The following FAM120A variants were observed in gnomAD, a reference collection of about 807,000 sequenced individuals.
FAM120A encodes the protein family with sequence similarity 120 member A.
In FAM120A, 15 loss-of-function variants were observed where a neutral mutation model predicts 109.7. The observed-to-expected ratio is 0.14, with a 90% CI of 0.09 to 0.21. The LOEUF is 0.21. FAM120A is among the 10% of genes least tolerant of loss of function. The probability of loss-of-function intolerance (pLI) is 1.00; values close to 1 mark genes in which losing one functional copy is unlikely to be tolerated. For missense variants in FAM120A, 899 were observed against 1,439.3 expected, an observed-to-expected ratio of 0.62 and a Z score of 6.07; for synonymous variants, 493 against 572.8, an observed-to-expected ratio of 0.86 and a Z score of 1.99.
In FAM120A at chr9:93,562,314, CA is replaced by C; in HGVS notation, c.3045+12del. On this transcript the variant is annotated intron_variant, in intron 17 of 17. Coordinates refer to ENST00000277165, the MANE Select transcript of FAM120A (RefSeq NM_014612.5). ...CCAGGCAGCAATTCAGGTAAGAAGACAACATGATGTTTGTGCCAGTTCAATG... is the reference window on the plus strand; with the variant it reads ...CCAGGCAGCAATTCAGGTAAGAAGACACATGATGTTTGTGCCAGTTCAATG... 6.2e-7 allele frequency: 1 copy of C among 1,607,990 alleles called. No homozygotes were observed. The highest frequency in any genetic ancestry group is 2.2e-5 in the East Asian group (1 of 44,822).
intron 3 of FAM120A, among the ~76,000 whole-genome samples, chr9:93,480,048 G>A (rs1226252870): frequency 1.3e-5 from 2 of 152,180 alleles, no homozygotes; most frequent in Non-Finnish European, 2.9e-5. Flanking sequence ...CTTATTACTA[G>A]ATTATGAATG....
intron 11 of FAM120A, among the ~76,000 whole-genome samples, chr9:93,548,177 CT>C (rs1861960300): frequency 6.6e-6 from 1 of 152,080 alleles, no homozygotes; most frequent in South Asian, 2.1e-4. Context: ...GCCATCTCGG[CT>C]CACTTCAAGC....
At chr9:93,510,179 T>C (rs1251004051) in intron 5 of FAM120A, among the ~76,000 whole-genome samples, 1 of 152,226 alleles carries the variant, frequency 6.6e-6, no homozygotes, top group Non-Finnish European at 1.5e-5. Context: ...TGCTGGGGGC[T>C]TTGCTTTCAG....
At chr9:93,497,094 A>G (rs1434592424) in intron 3 of FAM120A, among the ~76,000 whole-genome samples, 1 of 152,182 alleles carries the variant, frequency 6.6e-6, no homozygotes, top group East Asian at 1.9e-4. Context: ...AAGGGAGCGA[A>G]TGGTGGCTCC....
intron 7 of FAM120A, among the ~76,000 whole-genome samples, chr9:93,519,749 A>G (rs192773728): frequency 3.7e-4 from 57 of 152,334 alleles, no homozygotes; most frequent in Non-Finnish European, 2.5e-4. Context: ...TTCCCCAACA[A>G]TGAATCAGTG....
intron 5 of FAM120A, among the ~76,000 whole-genome samples, chr9:93,508,321 C>T (rs1351592242): frequency 6.6e-6 from 1 of 152,198 alleles, no homozygotes; most frequent in Non-Finnish European, 1.5e-5. Flanking sequence ...ACACAGTGAC[C>T]TCTGGGTGTA....
chr9:93,497,735 A>G (rs947711390), intron 4 of FAM120A, 136 bp downstream of exon 4: 11 of 1,104,528 alleles, frequency 1.0e-5, no homozygotes, highest in Non-Finnish European at 1.4e-5. Flanking sequence ...TGCTCAGGCC[A>G]CTGGAAGAAA....
In FAM120A at chr9:93,471,206, T is replaced by C; in HGVS notation, c.540T>C (p.His180=). 1 of 1,614,216 alleles carries C rather than the reference T, an allele frequency of 6.2e-7. No homozygotes were observed. The highest frequency in any genetic ancestry group is 8.5e-7 in the Non-Finnish European group (1 of 1,180,040). ...GTTTCTGCAGAGAGAATGGTTTCCATGGCTTGGTTGCGTATGACTCTGATT... is the reference window on the plus strand; with the variant it reads ...GTTTCTGCAGAGAGAATGGTTTCCACGGCTTGGTTGCGTATGACTCTGATT... ...VIGFCRENGF[H]GLVAYDSDYA... The change falls in exon 2 of 18, where the codon CAT becomes CAC. Residue 180 remains histidine (H), a synonymous_variant. Transcript: ENST00000277165.
rs547360364 is a variant in FAM120A, at chr9:93,565,322, C to G, written c.*782C>G. On this transcript the variant is annotated 3_prime_UTR_variant, in exon 18 of 18. Coordinates refer to ENST00000277165, the MANE Select transcript of FAM120A (RefSeq NM_014612.5). ...TTGAATCGGATGTAGACCATTAGTACTACTACTTGAGCTAAACTTCTGCAT... is the reference window on the plus strand; with the variant it reads ...TTGAATCGGATGTAGACCATTAGTAGTACTACTTGAGCTAAACTTCTGCAT... 2.0e-5 allele frequency: 3 copies of G among 152,746 alleles called. No homozygotes were observed. Among genetic ancestry groups the G allele is most frequent in the African/African-American group, 7.2e-5 (3 of 41,566 alleles). 9.5% of individuals were successfully genotyped at this position (152,746 alleles called of 1,614,324 possible).
intron 7 of FAM120A, among the ~76,000 whole-genome samples, chr9:93,522,895 T>C (rs1157196556): frequency 6.6e-6 from 1 of 152,218 alleles, no homozygotes; most frequent in South Asian, 2.1e-4. Flanking sequence ...GCAGGCTGTT[T>C]GGTGTTAGCA....
At chr9:93,549,989 GTCCTT>G (rs1353307884) in intron 11 of FAM120A, among the ~76,000 whole-genome samples, 20 of 152,180 alleles carry the variant, frequency 1.3e-4, no homozygotes, top group African/African-American at 4.1e-4. Context: ...GAGATTGATT[GTCCTT>G]TAGCAGCCAC....
At chr9:93,513,322 G>GCGCC (rs1283244123) in intron 5 of FAM120A, among the ~76,000 whole-genome samples, 3 of 152,148 alleles carry the variant, frequency 2.0e-5, no homozygotes, top group African/African-American at 7.2e-5. Context: ...GCGTGTGTGT[G>GCGCC]CGCCATGCAT....
intron 17 of FAM120A, among the ~76,000 whole-genome samples, chr9:93,562,783 G>C (rs1428795290): frequency 6.6e-6 from 1 of 150,762 alleles, no homozygotes; most frequent in Non-Finnish European, 1.5e-5. Flanking sequence ...GCTTGCGTCA[G>C]CCTCCCGAAT....
intron 1 of FAM120A, chr9:93,453,508 G>A (rs2131176358): frequency 1.0e-6 from 1 of 985,408 alleles, no homozygotes; most frequent in Non-Finnish European, 1.2e-6. Flanking sequence ...GAAACTGCTG[G>A]AGCTGAAAGT....
At chr9:93,548,117 T>A (rs1861957364) in intron 11 of FAM120A, among the ~76,000 whole-genome samples, 1 of 152,096 alleles carries the variant, frequency 6.6e-6, no homozygotes, top group Non-Finnish European at 1.5e-5. Flanking sequence ...AAAAAAAATT[T>A]TTTTTTGAGA....
Position 93,564,493 on chromosome 9 carries a change from C to A in FAM120A, c.3310C>A (p.Arg1104Ser). 6.2e-7 allele frequency: 1 copy of A among 1,613,420 alleles called. No homozygotes were observed. The highest frequency in any genetic ancestry group is 8.5e-7 in the Non-Finnish European group (1 of 1,179,396). Residue 1104 changes from arginine to serine, a missense_variant, in exon 18 of 18, where the codon CGC becomes AGC. Physicochemically the swap from Arg to Ser is moderately radical, Grantham distance 110. Coordinates refer to ENST00000277165, the MANE Select transcript of FAM120A (RefSeq NM_014612.5). ...TGCACTAAGTACAGACAGCGCTTGC[C>A]GCAGAGAAGCTGCTCTGGAGGCAGC... ...LNALSTDSACRREAALEAAVL... is the reference protein window; with the variant it reads ...LNALSTDSACSREAALEAAVL...
At chr9:93,541,773 C>T (rs1427182347) in intron 10 of FAM120A, among the ~76,000 whole-genome samples, 1 of 152,188 alleles carries the variant, frequency 6.6e-6, no homozygotes, top group African/African-American at 2.4e-5. Flanking sequence ...CTGGAGTTGG[C>T]TCCAGAAGGG....
chr9:93,538,538 G>A (rs147789265), intron 10 of FAM120A, among the ~76,000 whole-genome samples: 25 of 152,286 alleles, frequency 1.6e-4, no homozygotes, highest in African/African-American at 5.3e-4. Context: ...CAGAAGTCTA[G>A]TCGGCCACCA....
chr9:93,516,385 G>T, intron 7 of FAM120A, 116 bp downstream of exon 7: 3 of 1,461,746 alleles, frequency 2.1e-6, no homozygotes, highest in Non-Finnish European at 2.8e-6. Context: ...ATTGCAGGTG[G>T]GTGATGGTCA....
Sources: allele counts gnomAD v4.1 joint callset (sites outside exome capture counted in the v4.1 genomes callset), GRCh38; gene constraint gnomAD v4.1.1; transcripts MANE v1.5; gene names NCBI Gene and HGNC (gene_info 2026-07-23, HGNC 2026-07-21).